CELF2: variants seen among roughly 807,000 people sequenced by gnomAD.
CELF2 encodes the protein CUGBP Elav-like family member 2.
In CELF2, 8 loss-of-function variants were observed where a neutral mutation model predicts 62.6. The ratio of observed to expected loss-of-function variants is 0.13; its 90% CI spans 0.07 to 0.23. The LOEUF is 0.23. CELF2 is among the 10% of genes least tolerant of loss of function. The probability of loss-of-function intolerance (pLI) is 1.00; values close to 1 mark genes in which losing one functional copy is unlikely to be tolerated. For synonymous variants in CELF2, 258 were observed against 250.0 expected (o/e 1.03, Z -0.30); for missense variants, 333 against 671.0 (o/e 0.50, Z 5.56).
At chr10:10,874,711 C>T (rs2060976804) in intron 1 of CELF2, among the ~76,000 whole-genome samples, 1 of 152,196 alleles carries the variant, frequency 6.6e-6, no homozygotes, top group Admixed American at 6.5e-5. Context: ...GAAGGCTCAA[C>T]TCAAACAAAA....
the CELF2 span, among the ~76,000 whole-genome samples, chr10:10,649,034 C>T: frequency 6.6e-6 from 1 of 152,128 alleles, no homozygotes; most frequent in African/African-American, 2.4e-5. Flanking sequence ...AGATTTCAGT[C>T]CTGGATTTTC....
chr10:11,319,291 T>G lies in CELF2; in HGVS notation c.1097-1898T>G. On this transcript the variant is annotated intron_variant, in intron 10 of 12. Transcript: ENST00000633077. The surrounding 1 kb of genome is among the most constrained non-coding windows in gnomAD (Gnocchi z 4.4). The stretch of plus-strand genomic sequence containing the variant: ...ATTGTACATACCCCTCTCACCTATC[T>G]CAAAAAACACGGAAGTTCCTTTGCA... 1 of 357,002 alleles carries G rather than the reference T, an allele frequency of 2.8e-6. No individual in the cohort carries two copies. Among genetic ancestry groups the G allele is most frequent in the Non-Finnish European group, 5.6e-6 (1 of 177,058 alleles). The allele number at this position is 357,002 out of a possible 1,614,324, so 22.1% of individuals were successfully genotyped here.
At chr10:11,162,652 A>C (rs1357669551) in intron 1 of CELF2, among the ~76,000 whole-genome samples, 1 of 152,206 alleles carries the variant, frequency 6.6e-6, no homozygotes, top group Non-Finnish European at 1.5e-5. Context: ...AATATTTGCT[A>C]TATAAGTGAT....
intron 1 of CELF2, among the ~76,000 whole-genome samples, chr10:10,884,632 C>T (rs996448268): frequency 6.6e-6 from 1 of 152,228 alleles, no homozygotes; most frequent in Admixed American, 6.5e-5. Flanking sequence ...GACCCACACA[C>T]ACCCATACAC....
At chr10:11,007,533 A>G (rs985820140) in intron 1 of CELF2, among the ~76,000 whole-genome samples, 5 of 152,204 alleles carry the variant, frequency 3.3e-5, no homozygotes, top group African/African-American at 1.2e-4. Flanking sequence ...TTTTTAAGTT[A>G]TCGGTTGTGA....
At chr10:10,575,409 C>G in the CELF2 span, among the ~76,000 whole-genome samples, 3 of 152,180 alleles carry the variant, frequency 2.0e-5, no homozygotes, top group Non-Finnish European at 4.4e-5. Context: ...AAAACTTGCT[C>G]TATGTTGGAC....
the CELF2 span, among the ~76,000 whole-genome samples, chr10:10,696,477 A>G: frequency 6.6e-6 from 1 of 151,970 alleles, no homozygotes. Flanking sequence ...CCCTGCCCCC[A>G]GAGGTGGAGC....
intron 9 of CELF2, among the ~76,000 whole-genome samples, chr10:11,313,001 C>A (rs2094659664): frequency 6.6e-6 from 1 of 152,108 alleles, no homozygotes. Flanking sequence ...AATCTAAATA[C>A]CCCTAGTAAA....
intron 2 of CELF2, among the ~76,000 whole-genome samples, chr10:10,965,712 A>G (rs752973815): frequency 6.6e-6 from 1 of 152,246 alleles, no homozygotes; most frequent in Non-Finnish European, 1.5e-5. Flanking sequence ...AAATACAGTC[A>G]AGGAACTCAA....
chr10:10,483,613 T>C, the CELF2 span, among the ~76,000 whole-genome samples: 1 of 152,160 alleles, frequency 6.6e-6, no homozygotes. Context: ...GTGTCTTTAG[T>C]TTTGCTTAAC....
At chr10:11,036,698 C>G (rs1479338815) in intron 1 of CELF2, among the ~76,000 whole-genome samples, 1 of 152,238 alleles carries the variant, frequency 6.6e-6, no homozygotes, top group Non-Finnish European at 1.5e-5. Context: ...CCTGGATCTA[C>G]TATTCCATTG....
In CELF2 at chr10:11,010,916, C is replaced by T. The variant is rs1203758626; in HGVS notation, c.53+5476C>T. ...GCTCTTTTAAACTTACCTTGCAGTG[C>T]CAATTTTGGGAAGGGCATAGGACTG... On this transcript the variant is annotated intron_variant, in intron 1 of 12. Coordinates refer to the CELF2 transcript ENST00000416382. This position sits in a 1 kb window ranked among gnomAD's most constrained non-coding sequence, Gnocchi z 4.1. The T allele has an allele frequency of 6.6e-6, 1 of 152,158 alleles. No homozygotes were observed. Among genetic ancestry groups the T allele is most frequent in the Non-Finnish European group, 1.5e-5 (1 of 68,042 alleles). The allele number at this position is 152,158 out of a possible 1,614,324, so 9.4% of individuals were successfully genotyped here. A position where few individuals can be genotyped will look rare whatever the true frequency, so the allele number is the denominator to read the frequency against.
At chr10:10,683,166 G>A in the CELF2 span, among the ~76,000 whole-genome samples, 1 of 152,150 alleles carries the variant, frequency 6.6e-6, no homozygotes, top group Non-Finnish European at 1.5e-5. Flanking sequence ...AAGAAGACAT[G>A]AACAGCGTAA....
chr10:11,235,303 T>C (rs1431414439), intron 3 of CELF2, among the ~76,000 whole-genome samples: 1 of 152,222 alleles, frequency 6.6e-6, no homozygotes, highest in Non-Finnish European at 1.5e-5. Context: ...CTTGCTTTAC[T>C]CCTTAACATA....
intron 1 of CELF2, among the ~76,000 whole-genome samples, chr10:10,904,136 T>A (rs1379293640): frequency 6.6e-6 from 1 of 152,248 alleles, no homozygotes; most frequent in Non-Finnish European, 1.5e-5. Context: ...TGTCTTTTAT[T>A]TTTAAACACA....
intron 2 of CELF2, among the ~76,000 whole-genome samples, chr10:10,979,650 G>A (rs1043614749): frequency 2.3e-5 from 3 of 131,370 alleles, no homozygotes; most frequent in African/African-American, 8.7e-5. Flanking sequence ...CAGCCTGGGC[G>A]ATAGAGCCAG....
At chr10:11,090,210 C>T (rs1243119527) in intron 1 of CELF2, among the ~76,000 whole-genome samples, 1 of 151,578 alleles carries the variant, frequency 6.6e-6, no homozygotes, top group East Asian at 1.9e-4. Context: ...AAAAGTAGGC[C>T]TAGGGAGCAC....
the CELF2 span, among the ~76,000 whole-genome samples, chr10:10,597,011 A>G: frequency 7.2e-5 from 11 of 152,066 alleles, no homozygotes; most frequent in Admixed American, 3.9e-4. Context: ...ACTACTACCA[A>G]AGCACCAGAG....
chr10:11,055,959 G>A (rs149119243), intron 1 of CELF2, among the ~76,000 whole-genome samples: 1 of 152,312 alleles, frequency 6.6e-6, no homozygotes, highest in East Asian at 1.9e-4. Context: ...GCAGATAGGG[G>A]AGCCACAGAG....
Sources: gnomAD v4.1 joint callset for allele counts (sites outside exome capture counted in the v4.1 genomes callset) on GRCh38, gnomAD v4.1.1 for gene constraint, Gnocchi (gnomAD v3.1) non-coding constraint, MANE v1.5 for transcripts, NCBI Gene and HGNC (gene_info 2026-07-23, HGNC 2026-07-21) for gene names.